Variants in PDE3B observed in about 807,000 individuals in gnomAD.
PDE3B encodes cGMP-inhibited 3',5'-cyclic phosphodiesterase 3B.
A neutral mutation model predicts 116.8 loss-of-function variants in PDE3B; 66 were observed. That is an observed-to-expected ratio of 0.56 (90% CI 0.46 to 0.69). The LOEUF (loss-of-function observed/expected upper bound fraction) is 0.69, where lower values mean the gene tolerates loss of function less well. PDE3B is among the 30% of genes least tolerant of loss of function. PDE3B has a pLI of 0.00. For synonymous variants in PDE3B, 595 were observed against 533.6 expected, an observed-to-expected ratio of 1.12 and a Z score of -1.59; for missense variants, 1,384 against 1,368.1, an observed-to-expected ratio of 1.01 and a Z score of -0.18.
intron 1 of PDE3B, among the ~76,000 whole-genome samples, chr11:14,734,631 T>A (rs1026477237): frequency 5.9e-5 from 9 of 152,348 alleles, no homozygotes; most frequent in Middle Eastern, 3.4e-3. Context: ...CAATATTGAA[T>A]TAATCTTGAA....
intron 1 of PDE3B, among the ~76,000 whole-genome samples, chr11:14,725,309 C>CTTTCTCTTTCTT (rs1393019002): frequency 6.8e-5 from 10 of 147,418 alleles, no homozygotes; most frequent in South Asian, 2.2e-4. Context: ...TTCTTTCTTT[C>CTTTCTCTTTCTT]TCTTTCTTTC....
intron 12 of PDE3B, 27 bp from the exon 13 acceptor site, chr11:14,858,993 ACTTTAATATCTTTGAGGTGTCTG>A: frequency 1.5e-6 from 2 of 1,295,208 alleles, no homozygotes; most frequent in Non-Finnish European, 2.2e-6. Context: ...AAGATATTAA[ACTTTAATATCTTTGAGGTGTCTG>A]CCTCATTTTT....
chr11:14,737,135 A>G (rs1266813298), intron 1 of PDE3B, among the ~76,000 whole-genome samples: 1 of 152,216 alleles, frequency 6.6e-6, no homozygotes, highest in Non-Finnish European at 1.5e-5. Context: ...ACGAAATGTG[A>G]TACATAAAAA....
chr11:14,866,162 A>G (rs1489195115), intron 14 of PDE3B, among the ~76,000 whole-genome samples: 4 of 152,188 alleles, frequency 2.6e-5, no homozygotes, highest in African/African-American at 9.7e-5. Flanking sequence ...TCTGATACAT[A>G]AGTGCTCAAT....
At chr11:14,667,029 C>T (rs1448503795) in intron 1 of PDE3B, among the ~76,000 whole-genome samples, 1 of 152,058 alleles carries the variant, frequency 6.6e-6, no homozygotes, top group African/African-American at 2.4e-5. Context: ...GACTTGGAAC[C>T]AACCCAAATG....
intron 1 of PDE3B, among the ~76,000 whole-genome samples, chr11:14,716,569 A>G (rs1467323524): frequency 3.3e-4 from 46 of 140,210 alleles, no homozygotes; most frequent in Non-Finnish European, 5.4e-4. Context: ...GCAGCTGGAG[A>G]TCTGAGAACG....
intron 2 of PDE3B, among the ~76,000 whole-genome samples, chr11:14,780,488 A>C (rs1013267021): frequency 2.0e-5 from 3 of 152,370 alleles, no homozygotes; most frequent in Admixed American, 6.5e-5. Context: ...GTGCAGTCAA[A>C]CTGGAACTCA....
chr11:14,708,421 A>C (rs1331379831), intron 1 of PDE3B, among the ~76,000 whole-genome samples: 1 of 152,118 alleles, frequency 6.6e-6, no homozygotes, highest in Non-Finnish European at 1.5e-5. Context: ...CAAAAAATGG[A>C]ATAAGACATT....
chr11:14,732,042 C>T (rs1187412631), intron 1 of PDE3B, among the ~76,000 whole-genome samples: 1 of 151,980 alleles, frequency 6.6e-6, no homozygotes, highest in Non-Finnish European at 1.5e-5. Flanking sequence ...AGGAAGGTGA[C>T]ATCTGAGCAA....
At chr11:14,664,748 C>G (rs202179290) in intron 1 of PDE3B, among the ~76,000 whole-genome samples, 155 of 152,294 alleles carry the variant, frequency 1.0e-3, no homozygotes, top group African/African-American at 3.4e-3. Flanking sequence ...AGACCAATAA[C>G]AGGCTCTGAA....
At chr11:14,842,089 T>C (rs1470435475) in intron 11 of PDE3B, among the ~76,000 whole-genome samples, 1 of 152,182 alleles carries the variant, frequency 6.6e-6, no homozygotes, top group Non-Finnish European at 1.5e-5. Context: ...AGTTTTTCAG[T>C]AGATTTCTTG....
chr11:14,844,057 G>C (rs762344180), intron 12 of PDE3B, 31 bp downstream of exon 12: 1 of 1,541,172 alleles, frequency 6.5e-7, no homozygotes. Context: ...CCTTTAAAGA[G>C]TAATTCTGAA....
chr11:14,683,252 T>G (rs1241655609), intron 1 of PDE3B, among the ~76,000 whole-genome samples: 1 of 152,194 alleles, frequency 6.6e-6, no homozygotes, highest in African/African-American at 2.4e-5. Flanking sequence ...ATTTTTTTCT[T>G]TTAATGTTGG....
chr11:14,670,432 C>A (rs958271468), intron 1 of PDE3B, among the ~76,000 whole-genome samples: 12 of 152,056 alleles, frequency 7.9e-5, no homozygotes, highest in African/African-American at 2.9e-4. Context: ...AAGGCTGCCC[C>A]ATGAAATAGG....
chr11:14,735,878 G>A (rs1446405816), intron 1 of PDE3B, among the ~76,000 whole-genome samples: 2 of 151,910 alleles, frequency 1.3e-5, no homozygotes, highest in African/African-American at 4.8e-5. Context: ...ATCACATAGG[G>A]GATAATGACA....
rs1224653072 is a variant in PDE3B, at chr11:14,644,999, T to C, written c.924T>C (p.Tyr308=). The change falls in exon 1 of 16, where the codon TAT becomes TAC. Residue 308 remains tyrosine (Y), a synonymous_variant. Coordinates refer to ENST00000282096, the MANE Select transcript of PDE3B (RefSeq NM_000922.4). ...TAGGAGAAACTGCAGCCAGTTACTA[T>C]GGCAGTTGCAAAATATTCAGGAGAC... ...VSLGETAASY[Y]GSCKIFRRPS... 3.7e-6 allele frequency: 6 copies of C among 1,613,554 alleles called. No homozygotes were observed. Among genetic ancestry groups the C allele is most frequent in the Non-Finnish European group, 2.5e-6 (3 of 1,179,892 alleles).
intron 2 of PDE3B, among the ~76,000 whole-genome samples, chr11:14,782,911 A>G (rs1858064803): frequency 1.3e-5 from 2 of 152,362 alleles, no homozygotes; most frequent in East Asian, 3.9e-4. Context: ...AAACAAATTT[A>G]CAAGAAAAAA....
At chr11:14,652,236 C>G (rs1028809103) in intron 1 of PDE3B, among the ~76,000 whole-genome samples, 1 of 152,086 alleles carries the variant, frequency 6.6e-6, no homozygotes, top group Non-Finnish European at 1.5e-5. Flanking sequence ...TTGAAAAAAA[C>G]TGTTAATAAC....
Position 14,757,565 on chromosome 11 carries a change from A to T in PDE3B, c.979-14372A>T, listed in dbSNP as rs1183770006. On this transcript the variant is annotated intron_variant, in intron 1 of 15. Coordinates refer to ENST00000282096, the MANE Select transcript of PDE3B (RefSeq NM_000922.4). ...TCTCTGATGGCCAGTGATGATGAGC[A>T]TTTTTTCATGTGTTTTTTGGCTGCA... 1.4e-3 allele frequency among the ~76,000 whole-genome samples: 183 copies of T among 133,356 alleles called. 2 individuals are homozygous for T. The highest frequency in any genetic ancestry group is 4.7e-3 in the African/African-American group (160 of 33,798). 87.5% of individuals were successfully genotyped at this position (133,356 alleles called of 152,430 possible).
Sources: allele counts gnomAD v4.1 joint callset (sites outside exome capture counted in the v4.1 genomes callset), GRCh38; gene constraint gnomAD v4.1.1; transcripts MANE v1.5; gene names NCBI Gene and HGNC (gene_info 2026-07-23, HGNC 2026-07-21).